CCDC178: variants seen among roughly 807,000 people sequenced by gnomAD.
CCDC178 encodes the protein coiled-coil domain-containing protein 178.
Under a neutral mutation model 117.4 loss-of-function variants are expected in CCDC178, and 126 were observed. The ratio of observed to expected loss-of-function variants is 1.07; its 90% CI spans 0.93 to 1.24. The LOEUF (loss-of-function observed/expected upper bound fraction) is 1.24, where lower values mean the gene tolerates loss of function less well. Among genes scored for constraint, CCDC178 ranks in the 50% most tolerant of loss-of-function variants. The pLI, the probability that CCDC178 is intolerant of heterozygous loss-of-function variation, is 0.00. For synonymous variants in CCDC178, 283 were observed against 313.4 expected (o/e 0.90, Z 1.02); for missense variants, 1,030 against 986.9 (o/e 1.04, Z -0.59).
At chr18:33,225,024 TTTTTATTTGAAA>T in intron 16 of CCDC178, 88 bp from the exon 17 acceptor site, 1 of 946,574 alleles carries the variant, frequency 1.1e-6, no homozygotes, top group East Asian at 3.0e-5. Flanking sequence ...GTAATATTTG[TTTTTATTTGAAA>T]ATCAAATAAT....
At chr18:33,283,777 G>T (rs79239610) in intron 12 of CCDC178, among the ~76,000 whole-genome samples, 4 of 152,244 alleles carry the variant, frequency 2.6e-5, no homozygotes, top group African/African-American at 4.8e-5. Context: ...TGAGATTGTG[G>T]AGAAAAAGGA....
At chr18:33,387,704 A>G (rs2063513569) in intron 5 of CCDC178, among the ~76,000 whole-genome samples, 1 of 152,216 alleles carries the variant, frequency 6.6e-6, no homozygotes, top group African/African-American at 2.4e-5. Context: ...TTATACAAAA[A>G]TTAATTCAAG....
chr18:33,439,454 CAG>C (rs1488783701), intron 2 of CCDC178, among the ~76,000 whole-genome samples: 3 of 152,228 alleles, frequency 2.0e-5, no homozygotes, highest in Non-Finnish European at 4.4e-5. Flanking sequence ...GGAAATTAGA[CAG>C]ATATAGTTTA....
In CCDC178 at chr18:33,173,156, C is replaced by T. The variant is rs574590935; in HGVS notation, c.2238+38740G>A. ...CCTCTTCCTCCTGGGCTGAAGTAAT[C>T]CTCCCACCTCAGCCTCTTGAGTAGC... On this transcript the variant is annotated intron_variant, in intron 20 of 22. Transcript: ENST00000383096. Among the ~76,000 whole-genome samples the T allele has an allele frequency of 1.7e-4, 26 of 152,124 alleles. 1 individual carries two copies. In the South Asian group the frequency reaches 5.4e-3, roughly 32 times the overall value.
At chr18:33,280,401 A>T (rs560612757) in intron 12 of CCDC178, among the ~76,000 whole-genome samples, 1 of 151,548 alleles carries the variant, frequency 6.6e-6, no homozygotes, top group South Asian at 2.1e-4. Context: ...AACCACTATG[A>T]GATACCATCT....
intron 20 of CCDC178, among the ~76,000 whole-genome samples, chr18:33,139,374 A>G (rs1169054636): frequency 2.6e-5 from 4 of 152,182 alleles, no homozygotes; most frequent in Non-Finnish European, 5.9e-5. Context: ...AACAGTTTGG[A>G]GGGCTCAGAA....
chr18:33,328,429 T>C (rs1164523970), intron 10 of CCDC178, among the ~76,000 whole-genome samples: 3 of 152,120 alleles, frequency 2.0e-5, no homozygotes, highest in Admixed American at 6.6e-5. Context: ...AAGAGTTGTA[T>C]AGTTTAAGCT....
intron 21 of CCDC178, among the ~76,000 whole-genome samples, chr18:33,019,725 T>C (rs966293125): frequency 4.6e-5 from 7 of 152,108 alleles, no homozygotes. Flanking sequence ...GTGGATTTAA[T>C]ATCACCAGTG....
At chr18:33,271,660 T>C (rs904206737) in intron 12 of CCDC178, among the ~76,000 whole-genome samples, 2 of 151,162 alleles carry the variant, frequency 1.3e-5, no homozygotes, top group African/African-American at 4.8e-5. Flanking sequence ...AATAGAAAAT[T>C]TGACAAAAAC....
At chr18:33,131,104 T>C (rs573409471) in intron 20 of CCDC178, among the ~76,000 whole-genome samples, 5 of 152,004 alleles carry the variant, frequency 3.3e-5, no homozygotes, top group Non-Finnish European at 7.4e-5. Context: ...GGGAGCCATA[T>C]TTCCAAATTA....
intron 20 of CCDC178, among the ~76,000 whole-genome samples, chr18:33,147,356 ATTTTTTTTTTTT>A (rs575608507): frequency 1.1e-5 from 1 of 94,620 alleles, no homozygotes; most frequent in African/African-American, 4.7e-5. Context: ...TGCCTTTTTA[ATTTTTTTTTTTT>A]TTTTTTTTTT....
chr18:33,432,942 G>A (rs2064241452), intron 2 of CCDC178, among the ~76,000 whole-genome samples: 2 of 152,178 alleles, frequency 1.3e-5, no homozygotes, highest in Admixed American at 1.3e-4. Context: ...CTTTGTAAGA[G>A]AGACTGATAT....
intron 5 of CCDC178, among the ~76,000 whole-genome samples, chr18:33,377,892 G>C (rs965179751): frequency 6.6e-6 from 1 of 152,112 alleles, no homozygotes; most frequent in Non-Finnish European, 1.5e-5. Flanking sequence ...CTCCAGCTTT[G>C]TTCTTTTTGG....
intron 20 of CCDC178, among the ~76,000 whole-genome samples, chr18:33,097,026 C>T (rs576822582): frequency 2.0e-5 from 3 of 152,194 alleles, no homozygotes; most frequent in Admixed American, 2.0e-4. Context: ...GCAATATTTT[C>T]AGTCTCGATG....
In CCDC178 at chr18:33,380,470, C is replaced by A. The variant is rs529725759; in HGVS notation, c.208+9070G>T. 2.0e-5 allele frequency among the ~76,000 whole-genome samples: 3 copies of A among 152,268 alleles called. No individual in the cohort carries two copies. The East Asian group carries it at 5.8e-4, about 29-fold the overall frequency. On this transcript the variant is annotated intron_variant, in intron 5 of 22. Transcript: ENST00000383096. Reference sequence around the variant, plus strand: ...GCTGAGTCTAAGAAAGTACCTGTAGCTTTTCCCAGTGTCTTTCCCTCACAG... The same window carrying A: ...GCTGAGTCTAAGAAAGTACCTGTAGATTTTCCCAGTGTCTTTCCCTCACAG...
chr18:33,213,432 T>C (rs999224097), intron 19 of CCDC178, among the ~76,000 whole-genome samples: 16 of 151,906 alleles, frequency 1.1e-4, no homozygotes, highest in African/African-American at 3.9e-4. Flanking sequence ...AATTATTAAG[T>C]GATGTCTGAT....
chr18:33,347,290 A>G (rs2062909650), intron 8 of CCDC178, among the ~76,000 whole-genome samples: 1 of 152,130 alleles, frequency 6.6e-6, no homozygotes, highest in African/African-American at 2.4e-5. Flanking sequence ...AAACGAATAC[A>G]TTTCTTTTTT....
At chr18:33,434,210 C>CA (rs2064259412) in intron 2 of CCDC178, among the ~76,000 whole-genome samples, 1 of 151,984 alleles carries the variant, frequency 6.6e-6, no homozygotes, top group Non-Finnish European at 1.5e-5. Context: ...TAATAACACC[C>CA]ACTAAGAAAT....
At chr18:32,988,170 G>A (rs2055308195) in intron 21 of CCDC178, among the ~76,000 whole-genome samples, 2 of 151,582 alleles carry the variant, frequency 1.3e-5, no homozygotes, top group Non-Finnish European at 2.9e-5. Flanking sequence ...GGTGGCTCAC[G>A]CCTGTAATCC....
Sources: gnomAD v4.1 joint callset for allele counts (sites outside exome capture counted in the v4.1 genomes callset) on GRCh38, gnomAD v4.1.1 for gene constraint, MANE v1.5 for transcripts, NCBI Gene and HGNC (gene_info 2026-07-23, HGNC 2026-07-21) for gene names.